Variants in SPATA22 observed in about 807,000 individuals in gnomAD.
SPATA22 encodes the protein spermatogenesis-associated protein 22.
Under a neutral mutation model 47.8 loss-of-function variants are expected in SPATA22, and 29 were observed. The observed-to-expected ratio is 0.61, with a 90% CI of 0.45 to 0.83. The LOEUF (loss-of-function observed/expected upper bound fraction) is 0.83, where lower values mean the gene tolerates loss of function less well. Among genes scored for constraint, SPATA22 ranks in the 40% least tolerant of loss-of-function variants. The pLI is 0.00. For missense variants in SPATA22, 410 were observed against 421.7 expected (o/e 0.97, Z 0.24); for synonymous variants, 133 against 140.9 (o/e 0.94, Z 0.40).
chr17:3,460,174 CTG>C, intron 5 of SPATA22, among the ~76,000 whole-genome samples: 1 of 152,210 alleles, frequency 6.6e-6, no homozygotes, highest in South Asian at 2.1e-4. Flanking sequence ...TACATCAGAA[CTG>C]TGTGTTTTAT....
At chr17:3,442,519 C>T (rs1232665225) in intron 8 of SPATA22, among the ~76,000 whole-genome samples, 1 of 151,576 alleles carries the variant, frequency 6.6e-6, no homozygotes, top group Non-Finnish European at 1.5e-5. Context: ...GCCTCCTTTG[C>T]AATCTCCACA....
chr17:3,464,631 C>T (rs1436460268), intron 3 of SPATA22, among the ~76,000 whole-genome samples: 5 of 148,394 alleles, frequency 3.4e-5, no homozygotes, highest in African/African-American at 9.9e-5. Context: ...TTTGCCCCGC[C>T]GCCCCATCTG....
intron 1 of SPATA22, chr17:3,481,748 C>T (rs2073634558): frequency 1.2e-6 from 2 of 1,613,236 alleles, no homozygotes; most frequent in African/African-American, 1.3e-5. Flanking sequence ...CACTCTTATT[C>T]TTGAGGATTC....
chr17:3,449,588 C>G (rs796966854), intron 5 of SPATA22, among the ~76,000 whole-genome samples: 28 of 152,192 alleles, frequency 1.8e-4, no homozygotes, highest in African/African-American at 6.7e-4. Flanking sequence ...TAAACTGTGG[C>G]TTAGCAATGA....
At chr17:3,508,898 A>T (rs1383310632) in intron 1 of SPATA22, among the ~76,000 whole-genome samples, 2 of 10,268 alleles carry the variant, frequency 1.9e-4, no homozygotes, top group East Asian at 5.4e-3. Flanking sequence ...CTTAAAGTAT[A>T]AAAAAAAAAA....
intron 5 of SPATA22, 57 bp from the exon 6 acceptor site, chr17:3,449,206 AAATT>A (rs1468433257): frequency 7.9e-7 from 1 of 1,266,352 alleles, no homozygotes; most frequent in African/African-American, 1.5e-5. Context: ...ATTACAAAAA[AAATT>A]AATAATGAAA....
chr17:3,492,389 T>C (rs1398720413), intron 1 of SPATA22, among the ~76,000 whole-genome samples: 3 of 152,250 alleles, frequency 2.0e-5, no homozygotes, highest in African/African-American at 7.2e-5. Flanking sequence ...TTTCTTCCTA[T>C]CCAACTTTTT....
At chr17:3,467,163 T>C (rs1475113505) in intron 3 of SPATA22, among the ~76,000 whole-genome samples, 3 of 152,006 alleles carry the variant, frequency 2.0e-5, no homozygotes, top group African/African-American at 7.2e-5. Flanking sequence ...AAAGAAAAAA[T>C]ATTTTTTACA....
chr17:3,440,981 C>T (rs1242550694), intron 8 of SPATA22: 1 of 151,970 alleles, frequency 6.6e-6, no homozygotes, highest in African/African-American at 2.4e-5. Flanking sequence ...TTCTAGTAAC[C>T]ACCCCCACTC....
At chr17:3,476,958 A>G (rs1452819910) in intron 1 of SPATA22, among the ~76,000 whole-genome samples, 1 of 152,202 alleles carries the variant, frequency 6.6e-6, no homozygotes, top group East Asian at 1.9e-4. Flanking sequence ...GATCGAGACC[A>G]TCCTGGCTAA....
intron 1 of SPATA22, among the ~76,000 whole-genome samples, chr17:3,507,004 A>G (rs12936836): frequency 1.7e-5 from 2 of 120,306 alleles, no homozygotes; most frequent in East Asian, 2.9e-4. Flanking sequence ...GGGAGGGAGG[A>G]AGGGAGGGAG....
intron 1 of SPATA22, among the ~76,000 whole-genome samples, chr17:3,497,174 G>A (rs2073923109): frequency 1.3e-5 from 2 of 152,176 alleles, no homozygotes; most frequent in Admixed American, 1.3e-4. Context: ...ATTTTCATGT[G>A]GCTCAGGTCT....
In SPATA22 at chr17:3,481,740, C is replaced by A; in HGVS notation, c.-73-12342G>T. On this transcript the variant is annotated intron_variant, in intron 1 of 8. Transcript: ENST00000541913. ...AACACCACCTCTAACATGGGGTGCACTCTTATTCTTGAGGATTCCAGGAAT... is the reference window on the plus strand; with the variant it reads ...AACACCACCTCTAACATGGGGTGCAATCTTATTCTTGAGGATTCCAGGAAT... The A allele has an allele frequency of 6.2e-7, 1 of 1,613,504 alleles. No homozygotes were observed. The highest frequency in any genetic ancestry group is 1.3e-5 in the African/African-American group (1 of 75,042).
Position 3,467,454 on chromosome 17 carries a change from G to T in SPATA22, c.144C>A (p.Asp48Glu). 1 of 1,603,290 alleles carries T rather than the reference G, an allele frequency of 6.2e-7. No individual in the cohort carries two copies. The highest frequency in any genetic ancestry group is 8.5e-7 in the Non-Finnish European group (1 of 1,175,620). ...TAGGTAGAGGAGGAAAATCATAATT[G>T]TCAGAAGGGGTACTGATACCTGAAT... Reference protein sequence around the residue: ...KDDSGISTPSDNYDFPPLPTD... With the variant: ...KDDSGISTPSENYDFPPLPTD... Residue 48 changes from aspartate (D) to glutamate (E), a missense_variant, in exon 3 of 9, where the codon GAC (aspartate) becomes GAA (glutamate). Transcript: ENST00000572969.
In SPATA22 at chr17:3,446,529, T is replaced by C. The variant is rs1163106822; in HGVS notation, c.745A>G (p.Ser249Gly). 2 of 1,609,374 alleles carry C rather than the reference T, an allele frequency of 1.2e-6. No individual in the cohort carries two copies. The highest frequency in any genetic ancestry group is 2.2e-5 in the South Asian group (2 of 90,130). ...SLRIISAVIE[S>G]MKYWREHAQK... ...GCATGTTCACGCCAATACTTCATGCTTTCAATAACTGCAGAAATAATTCTT... is the reference window on the plus strand; with the variant it reads ...GCATGTTCACGCCAATACTTCATGCCTTCAATAACTGCAGAAATAATTCTT... Residue 249 changes from serine to glycine, a missense_variant, in exon 7 of 9, where the codon AGC becomes GGC. Physicochemically the swap from Ser to Gly is moderately conservative, Grantham distance 56. Coordinates refer to ENST00000572969, the MANE Select transcript of SPATA22 (RefSeq NM_001170698.2).
chr17:3,461,005 A>G (rs1292500371), intron 5 of SPATA22, among the ~76,000 whole-genome samples: 3 of 152,114 alleles, frequency 2.0e-5, no homozygotes, highest in African/African-American at 7.2e-5. Flanking sequence ...TATATTGATA[A>G]TGTATCTAAT....
Position 3,469,279 on chromosome 17 carries a change from A to C in SPATA22, c.43+4T>G. ...AAATTTAAAAATAAAAAGTTGTTCAATACCTGCTGTACTTCGAGCTGAATT... is the reference window on the plus strand; with the variant it reads ...AAATTTAAAAATAAAAAGTTGTTCACTACCTGCTGTACTTCGAGCTGAATT... On this transcript the variant is annotated splice_donor_region_variant and intron_variant, in intron 2 of 8. Transcript: ENST00000572969. 2 of 1,448,770 alleles carry C rather than the reference A, an allele frequency of 1.4e-6. No individual in the cohort carries two copies. The highest frequency in any genetic ancestry group is 1.9e-6 in the Non-Finnish European group (2 of 1,044,858). 89.7% of individuals were successfully genotyped at this position (1,448,770 alleles called of 1,614,324 possible). A position where few individuals can be genotyped will look rare whatever the true frequency, so the allele number is the denominator to read the frequency against.
chr17:3,465,151 A>G (rs1474962904), intron 3 of SPATA22, among the ~76,000 whole-genome samples: 3 of 99,040 alleles, frequency 3.0e-5, no homozygotes, highest in East Asian at 4.5e-4. Flanking sequence ...TCCGGGAGGG[A>G]GGTGGGGGGG....
intron 5 of SPATA22, among the ~76,000 whole-genome samples, chr17:3,456,486 A>G (rs2150713400): frequency 6.6e-6 from 1 of 150,616 alleles, no homozygotes; most frequent in African/African-American, 2.4e-5. Flanking sequence ...CACTCTCCCA[A>G]GACTAAACCA....
Sources: gnomAD v4.1 joint callset for allele counts (sites outside exome capture counted in the v4.1 genomes callset) on GRCh38, gnomAD v4.1.1 for gene constraint, MANE v1.5 for transcripts, NCBI Gene and HGNC (gene_info 2026-07-23, HGNC 2026-07-21) for gene names.